RBM6: variants seen among roughly 807,000 people sequenced by gnomAD.
RBM6 encodes RNA binding motif protein 6, also known as RNA-binding protein 6.
In RBM6, 23 loss-of-function variants were observed where a neutral mutation model predicts 140.4. The observed-to-expected ratio is 0.16, with a 90% CI of 0.12 to 0.23. The LOEUF (loss-of-function observed/expected upper bound fraction) is 0.23. Ranked by LOEUF, RBM6 falls within the 10% of genes least tolerant of loss-of-function variation. The probability of loss-of-function intolerance (pLI) is 1.00; values close to 1 mark genes in which losing one functional copy is unlikely to be tolerated. For missense variants in RBM6, 1,139 were observed against 1,386.7 expected (o/e 0.82, Z 2.84); for synonymous variants, 439 against 475.6 (o/e 0.92, Z 1.00).
chr3:50,069,886 A>T (rs1427402826), intron 18 of RBM6, among the ~76,000 whole-genome samples: 2 of 152,154 alleles, frequency 1.3e-5, no homozygotes, highest in Non-Finnish European at 2.9e-5. Flanking sequence ...GAGGGCTTGT[A>T]TAGTGGAGGG....
intron 7 of RBM6, among the ~76,000 whole-genome samples, chr3:50,051,106 A>C (rs1244019324): frequency 1.3e-5 from 2 of 151,972 alleles, no homozygotes; most frequent in African/African-American, 4.8e-5. Flanking sequence ...TTGGGAGGCT[A>C]AAGTGGGCAG....
intron 6 of RBM6, among the ~76,000 whole-genome samples, chr3:50,005,480 A>G (rs1375971736): frequency 1.3e-5 from 2 of 149,274 alleles, no homozygotes; most frequent in Non-Finnish European, 3.0e-5. Context: ...CCTGGGCGAC[A>G]GAGAGATCCT....
intron 6 of RBM6, among the ~76,000 whole-genome samples, chr3:50,002,854 G>A (rs2086405051): frequency 6.6e-6 from 1 of 152,044 alleles, no homozygotes; most frequent in South Asian, 2.1e-4. Context: ...GTCTCCTCAG[G>A]GTGAATAAAG....
intron 4 of RBM6, among the ~76,000 whole-genome samples, chr3:49,973,833 G>A (rs1003183707): frequency 2.6e-5 from 4 of 151,708 alleles, no homozygotes; most frequent in South Asian, 2.1e-4. Flanking sequence ...TGATCCACCC[G>A]CCTCGGCCTC....
intron 1 of RBM6, among the ~76,000 whole-genome samples, chr3:49,942,126 T>A (rs1312634774): frequency 6.6e-6 from 1 of 150,520 alleles, no homozygotes; most frequent in Non-Finnish European, 1.5e-5. Context: ...TTAAATAAAT[T>A]GTGGTAAATA....
intron 8 of RBM6, among the ~76,000 whole-genome samples, chr3:50,057,478 C>T (rs1021664504): frequency 2.7e-5 from 4 of 150,498 alleles, no homozygotes; most frequent in African/African-American, 9.8e-5. Flanking sequence ...ATCCCAGCTA[C>T]TCTGAAGGCT....
intron 5 of RBM6, 40 bp downstream of exon 5, chr3:49,975,432 G>T (rs775365822): frequency 6.6e-7 from 1 of 1,508,592 alleles, no homozygotes; most frequent in Non-Finnish European, 9.2e-7. Context: ...GGTTAGGAAG[G>T]GTCTTTGTCA....
At chr3:49,973,181 T>G (rs1452328342) in intron 4 of RBM6, among the ~76,000 whole-genome samples, 3 of 152,004 alleles carry the variant, frequency 2.0e-5, no homozygotes, top group Non-Finnish European at 4.4e-5. Context: ...CAGGCTGGAG[T>G]GCAGTGGCAC....
intron 7 of RBM6, among the ~76,000 whole-genome samples, chr3:50,049,619 T>C (rs1411992423): frequency 6.6e-6 from 1 of 152,166 alleles, no homozygotes; most frequent in Admixed American, 6.6e-5. Context: ...ATTGTGTTAG[T>C]CTCGGTAGAA....
intron 10 of RBM6, 45 bp downstream of exon 10, chr3:50,058,607 AG>A: frequency 6.5e-7 from 1 of 1,529,356 alleles, no homozygotes; most frequent in Non-Finnish European, 9.0e-7. Flanking sequence ...AGATGGCTAA[AG>A]AACCTTCAAG....
intron 16 of RBM6, 95 bp from the exon 17 acceptor site, chr3:50,066,147 T>G: frequency 7.5e-7 from 1 of 1,332,354 alleles, no homozygotes; most frequent in African/African-American, 1.5e-5. Context: ...TGAACCCAAT[T>G]CAATGAAATG....
chr3:49,972,990 C>T (rs1313337697), intron 4 of RBM6, among the ~76,000 whole-genome samples: 3 of 152,004 alleles, frequency 2.0e-5, no homozygotes, highest in Non-Finnish European at 2.9e-5. Flanking sequence ...ACCACCACGC[C>T]CAGCTAATTT....
Position 50,075,209 on chromosome 3 carries a change from A to G in RBM6, c.3125A>G (p.Lys1042Arg), listed in dbSNP as rs752379210. The G allele has an allele frequency of 1.2e-5, 20 of 1,614,008 alleles. No homozygotes were observed. In the East Asian group the frequency reaches 4.5e-4, roughly 36 times the overall value. Residue 1042 changes from lysine (K) to arginine (R), a missense_variant, in exon 20 of 21, where the codon AAA (lysine) becomes AGA (arginine). By Grantham distance (26) the Lys-to-Arg change is conservative (BLOSUM62 2). Coordinates refer to ENST00000266022, the MANE Select transcript of RBM6 (RefSeq NM_005777.3). Reference protein sequence around the residue: ...KYSRETDSDRKLVDKEDIDTS... With the variant: ...KYSRETDSDRRLVDKEDIDTS... ...GTCTGCTTCTTTTGCAGTGATCGTAAACTTGTTGATAAAGAAGATATCGAC... is the reference window on the plus strand; with the variant it reads ...GTCTGCTTCTTTTGCAGTGATCGTAGACTTGTTGATAAAGAAGATATCGAC...
chr3:50,069,245 G>A (rs533718748), intron 18 of RBM6, among the ~76,000 whole-genome samples: 1 of 152,176 alleles, frequency 6.6e-6, no homozygotes, highest in Non-Finnish European at 1.5e-5. Context: ...AGGCACGGTG[G>A]CTCACGCCTA....
At chr3:49,987,432 C>T (rs752126513) in intron 5 of RBM6, among the ~76,000 whole-genome samples, 4 of 151,982 alleles carry the variant, frequency 2.6e-5, no homozygotes, top group Non-Finnish European at 5.9e-5. Context: ...TCTCCTGCCT[C>T]AGCTTCCCGA....
chr3:50,011,160 G>A (rs1559582749), intron 6 of RBM6, among the ~76,000 whole-genome samples: 1 of 151,654 alleles, frequency 6.6e-6, no homozygotes, highest in Non-Finnish European at 1.5e-5. Flanking sequence ...CCAGGAATTC[G>A]AGTGAGCCAT....
chr3:49,981,680 T>C (rs2085310504), intron 5 of RBM6: 1 of 152,206 alleles, frequency 6.6e-6, no homozygotes, highest in Non-Finnish European at 1.5e-5. Flanking sequence ...TACTATCTTA[T>C]GACTTTAGTT....
chr3:49,979,231 A>G lies in RBM6; in HGVS notation c.1483+3839A>G, dbSNP rs578188857. ...AAATATCTAGAGAAGGCACACCCGT[A>G]GAGATAGAAAGCAGATTGGTGGTTG... is the stretch of plus-strand genomic sequence containing the variant. On this transcript the variant is annotated intron_variant, in intron 5 of 20. Transcript: ENST00000266022. 2.6e-5 allele frequency among the ~76,000 whole-genome samples: 4 copies of G among 152,280 alleles called. No homozygotes were observed. In the South Asian group the frequency reaches 6.2e-4, roughly 24 times the overall value.
At position 50,014,416 on chromosome 3, in the gene RBM6, GA is replaced by G. The variant is rs377258562; in HGVS notation, c.1557+14905del. 2.6e-4 allele frequency among the ~76,000 whole-genome samples: 39 copies of G among 152,302 alleles called. No homozygotes were observed. In the South Asian group the frequency reaches 7.9e-3, roughly 31 times the overall value. ...ATCCAGCAGAATGAGGGAGTAGTCA[GA>G]AGATTACACATATTTGGCAGCAATT... On this transcript the variant is annotated intron_variant, in intron 6 of 20. Coordinates refer to ENST00000266022, the MANE Select transcript of RBM6 (RefSeq NM_005777.3).
Sources: allele counts gnomAD v4.1 joint callset (sites outside exome capture counted in the v4.1 genomes callset), GRCh38; gene constraint gnomAD v4.1.1; transcripts MANE v1.5; gene names NCBI Gene and HGNC (gene_info 2026-07-23, HGNC 2026-07-21).